Variants in R3HDM4 observed in about 807,000 individuals in gnomAD.
R3HDM4 encodes the protein R3H domain-containing protein 4.
Under a neutral mutation model 31.3 loss-of-function variants are expected in R3HDM4, and 30 were observed. That is an observed-to-expected ratio of 0.96 (90% CI 0.72 to 1.30). The LOEUF is 1.30. Among genes scored for constraint, R3HDM4 ranks in the 50% most tolerant of loss-of-function variants. R3HDM4 has a pLI of 0.00. For synonymous variants in R3HDM4, 196 were observed against 156.6 expected (o/e 1.25, Z -1.88); for missense variants, 444 against 366.1 (o/e 1.21, Z -1.74).
chr19:898,896 C>A (rs373085991), intron 7 of R3HDM4, among the ~76,000 whole-genome samples: 1 of 152,116 alleles, frequency 6.6e-6, no homozygotes, highest in Non-Finnish European at 1.5e-5. Context: ...CAACTCCAGG[C>A]GGGGCGGCAG....
rs554382849 is a variant in R3HDM4 at position 907,661 on chromosome 19, G to A, written c.71+5426C>T. Among the ~76,000 whole-genome samples the A allele has an allele frequency of 1.3e-5, 2 of 152,166 alleles. No homozygotes were observed. Among genetic ancestry groups the A allele is most frequent in the East Asian group, 1.9e-4 (1 of 5,172 alleles). ...CCACCCCTCATACCAAAGCCCCACA[G>A]GCCTCTCCTCCAGGCCCACAAGGAC... is the stretch of plus-strand genomic sequence containing the variant. On this transcript the variant is annotated intron_variant, in intron 1 of 7. Transcript: ENST00000361574. This position sits in a 1 kb window ranked among gnomAD's most constrained non-coding sequence, Gnocchi z 4.1.
At chr19:900,290 G>A (rs1464106515) in intron 4 of R3HDM4, 144 bp from the exon 5 acceptor site, 9 of 620,954 alleles carry the variant, frequency 1.4e-5, no homozygotes, top group African/African-American at 3.8e-5. Context: ...CAACGATACT[G>A]TGGCCCCATC....
At chr19:901,603 C>T (rs1176611062) in intron 2 of R3HDM4, 57 bp from the exon 3 acceptor site, 9 of 1,570,436 alleles carry the variant, frequency 5.7e-6, no homozygotes, top group Non-Finnish European at 6.0e-6. Flanking sequence ...CCCCAGGCAC[C>T]ATGGGGACCC....
Position 899,725 on chromosome 19 carries a change from C to T in R3HDM4, c.562-39G>A. Reference sequence around the variant, plus strand: ...CCCGGTGGTCAGGGAACTGCGGGACCTGTGGGTGGGGGGCCAGGGAGGTCC... The same window carrying T: ...CCCGGTGGTCAGGGAACTGCGGGACTTGTGGGTGGGGGGCCAGGGAGGTCC... On this transcript the variant is annotated intron_variant, in intron 5 of 7. Coordinates refer to ENST00000361574, the MANE Select transcript of R3HDM4 (RefSeq NM_138774.4). The surrounding 1 kb of genome is among the most constrained non-coding windows in gnomAD (Gnocchi z 6.8). 1 of 1,488,152 alleles carries T rather than the reference C, an allele frequency of 6.7e-7. No homozygotes were observed. Among genetic ancestry groups the T allele is most frequent in the Non-Finnish European group, 9.0e-7 (1 of 1,112,434 alleles). 92.2% of individuals were successfully genotyped at this position (1,488,152 alleles called of 1,614,324 possible).
rs560390812 is a variant in R3HDM4 at position 911,997 on chromosome 19, G to A, written c.71+1090C>T. Reference sequence around the variant, plus strand: ...CCACGTGGGTGAACCCCGACCCGCGGACAGGGGCCCAGGACCCTCTGGCGG... The same window carrying A: ...CCACGTGGGTGAACCCCGACCCGCGAACAGGGGCCCAGGACCCTCTGGCGG... On this transcript the variant is annotated intron_variant, in intron 1 of 7. Coordinates refer to ENST00000361574, the MANE Select transcript of R3HDM4 (RefSeq NM_138774.4). Among the ~76,000 whole-genome samples, 618 of 149,902 alleles carry A rather than the reference G, an allele frequency of 4.1e-3. 4 individuals carry two copies. The highest frequency in any genetic ancestry group is 5.1e-3 in the Non-Finnish European group (342 of 67,260).
intron 3 of R3HDM4, 48 bp from the exon 4 acceptor site, chr19:901,000 C>T (rs1374711891): frequency 6.6e-7 from 1 of 1,513,178 alleles, no homozygotes. Context: ...ACTGGGGCTG[C>T]GCTGACATCC....
intron 1 of R3HDM4, among the ~76,000 whole-genome samples, chr19:904,559 C>T (rs968238873): frequency 1.1e-4 from 16 of 152,096 alleles, no homozygotes; most frequent in African/African-American, 3.9e-4. Flanking sequence ...GCAAGCTGGG[C>T]GCGGTGGCTC....
intron 1 of R3HDM4, among the ~76,000 whole-genome samples, chr19:903,825 C>T (rs1404946353): frequency 2.6e-5 from 4 of 151,924 alleles, no homozygotes; most frequent in Admixed American, 1.3e-4. Context: ...CCGAGGCGGG[C>T]GGATCATGAG....
chr19:903,228 G>GCC (rs11333484), intron 1 of R3HDM4, among the ~76,000 whole-genome samples: 1 of 149,144 alleles, frequency 6.7e-6, no homozygotes, highest in African/African-American at 2.5e-5. Context: ...TGATGCCTCA[G>GCC]CCCCCCCCGC....
At position 897,681 on chromosome 19, in the gene R3HDM4, G is replaced by A. The variant is rs1398813123; in HGVS notation, c.704-141C>T. ...GTGTGCTGGTCACTGCGGCCTGGCT[G>A]GCCCTAAGCCCGCAGGTCCGGGAGC... On this transcript the variant is annotated intron_variant, in intron 7 of 7. Coordinates refer to ENST00000361574, the MANE Select transcript of R3HDM4 (RefSeq NM_138774.4). The A allele has an allele frequency of 4.6e-6, 3 of 659,180 alleles. No homozygotes were observed. The East Asian group carries it at 8.5e-5, about 19-fold the overall frequency. The allele number at this position is 659,180 out of a possible 1,614,324, so 40.8% of individuals were successfully genotyped here. A position where few individuals can be genotyped will look rare whatever the true frequency, so the allele number is the denominator to read the frequency against.
At chr19:904,439 C>G (rs1485033985) in intron 1 of R3HDM4, among the ~76,000 whole-genome samples, 1 of 152,152 alleles carries the variant, frequency 6.6e-6, no homozygotes, top group Non-Finnish European at 1.5e-5. Context: ...CTAATAGCAT[C>G]CAGAGTTCCC....
Position 897,557 on chromosome 19 carries a change from C to A in R3HDM4, c.704-17G>T. On this transcript the variant is annotated splice_polypyrimidine_tract_variant and intron_variant, in intron 7 of 7. Coordinates refer to ENST00000361574, the MANE Select transcript of R3HDM4 (RefSeq NM_138774.4). ...GGTCAGCACCTGCAGACGGGACCAG[C>A]GGGGCAAGAACGGGAGGAATTTGGG... The A allele has an allele frequency of 6.3e-7, 1 of 1,595,242 alleles. No individual in the cohort carries two copies. Among genetic ancestry groups the A allele is most frequent in the Non-Finnish European group, 8.6e-7 (1 of 1,169,290 alleles).
chr19:899,728 T>G lies in R3HDM4; in HGVS notation c.562-42A>C. 6.8e-7 allele frequency: 1 copy of G among 1,473,002 alleles called. No individual in the cohort carries two copies. Among genetic ancestry groups the G allele is most frequent in the Non-Finnish European group, 9.1e-7 (1 of 1,101,088 alleles). The allele number at this position is 1,473,002 out of a possible 1,614,324, so 91.2% of individuals were successfully genotyped here. ...GGTGGTCAGGGAACTGCGGGACCTGTGGGTGGGGGGCCAGGGAGGTCCAGG... is the reference window on the plus strand; with the variant it reads ...GGTGGTCAGGGAACTGCGGGACCTGGGGGTGGGGGGCCAGGGAGGTCCAGG... On this transcript the variant is annotated intron_variant, in intron 5 of 7. Coordinates refer to ENST00000361574, the MANE Select transcript of R3HDM4 (RefSeq NM_138774.4). The surrounding 1 kb of genome is among the most constrained non-coding windows in gnomAD (Gnocchi z 6.8).
At chr19:911,255 C>T (rs527432341) in intron 1 of R3HDM4, among the ~76,000 whole-genome samples, 1 of 152,250 alleles carries the variant, frequency 6.6e-6, no homozygotes, top group Admixed American at 6.5e-5. Flanking sequence ...ACCATCCTGG[C>T]CAACATGATG....
At position 899,055 on chromosome 19, in the gene R3HDM4, C is replaced by T. The variant is rs1220632668; in HGVS notation, c.703+385G>A. Among the ~76,000 whole-genome samples the T allele has an allele frequency of 6.6e-6, 1 of 152,188 alleles. No homozygotes were observed. Among genetic ancestry groups the T allele is most frequent in the Middle Eastern group, 3.4e-3 (1 of 294 alleles). On this transcript the variant is annotated intron_variant, in intron 7 of 7. Transcript: ENST00000361574. This position sits in a 1 kb window ranked among gnomAD's most constrained non-coding sequence, Gnocchi z 6.8. The stretch of plus-strand genomic sequence containing the variant: ...GTAGGGGGTCTCGCCTGAGGTCCCA[C>T]GTGTGGTATGTGGGAGGCCTTAGAG...
Position 899,928 on chromosome 19 carries a change from T to G in R3HDM4, c.561+133A>C. On this transcript the variant is annotated intron_variant, in intron 5 of 7. Transcript: ENST00000361574. The surrounding 1 kb of genome is among the most constrained non-coding windows in gnomAD (Gnocchi z 6.8). Reference sequence around the variant, plus strand: ...GCCCCCGCCCTCCTACTCAGGGCCCTGGTGCCGCTGTCTGTATCCTGCCCT... The same window carrying G: ...GCCCCCGCCCTCCTACTCAGGGCCCGGGTGCCGCTGTCTGTATCCTGCCCT... 1 of 978,698 alleles carries G rather than the reference T, an allele frequency of 1.0e-6. No individual in the cohort carries two copies. The highest frequency in any genetic ancestry group is 1.5e-5 in the South Asian group (1 of 66,868). The allele number at this position is 978,698 out of a possible 1,614,324, so 60.6% of individuals were successfully genotyped here. A position where few individuals can be genotyped will look rare whatever the true frequency, so the allele number is the denominator to read the frequency against.
rs200489514 is a variant in R3HDM4, at chr19:907,352, G to GC, written c.72-5223dup. 1.3e-5 allele frequency among the ~76,000 whole-genome samples: 2 copies of GC among 151,922 alleles called. No individual in the cohort carries two copies. Among genetic ancestry groups the GC allele is most frequent in the African/African-American group, 2.4e-5 (1 of 41,360 alleles). On this transcript the variant is annotated intron_variant, in intron 1 of 7. Transcript: ENST00000361574. This position sits in a 1 kb window ranked among gnomAD's most constrained non-coding sequence, Gnocchi z 4.1. ...GTCCCATGCCCCAGATTCACCCACAGCCCCCCCTGAGGCCCCGGGGCCTAC... is the reference window on the plus strand; with the variant it reads ...GTCCCATGCCCCAGATTCACCCACAGCCCCCCCCTGAGGCCCCGGGGCCTAC...
Position 897,516 on chromosome 19 carries a change from T to C in R3HDM4, c.728A>G (p.Gln243Arg), listed in dbSNP as rs1303552773. 1 of 1,613,002 alleles carries C rather than the reference T, an allele frequency of 6.2e-7. No homozygotes were observed. Residue 243 changes from glutamine (Q) to arginine (R), a missense_variant, in exon 8 of 8, where the codon CAG becomes CGG. Transcript: ENST00000361574. ...CAGGTGCCGATTACTGACCTTCATC[T>C]GCCGCTTCCCCTCCAGGTCAGCACC... ...SASADLEGKR[Q>R]MKVSNRHLDF...
chr19:908,567 AAC>A (rs2036934052), intron 1 of R3HDM4, among the ~76,000 whole-genome samples: 1 of 152,116 alleles, frequency 6.6e-6, no homozygotes. Flanking sequence ...CCGAGATCAC[AAC>A]ACTGCACTCC....
Sources: allele counts gnomAD v4.1 joint callset (sites outside exome capture counted in the v4.1 genomes callset), GRCh38; gene constraint gnomAD v4.1.1; non-coding constraint Gnocchi (gnomAD v3.1); transcripts MANE v1.5; gene names NCBI Gene and HGNC (gene_info 2026-07-23, HGNC 2026-07-21).